TAS2R60: variants seen among roughly 807,000 people sequenced by gnomAD.
TAS2R60 encodes the protein taste 2 receptor member 60.
A neutral mutation model predicts 19.5 loss-of-function variants in TAS2R60; 16 were observed. That is an observed-to-expected ratio of 0.82 (90% confidence interval 0.55 to 1.24). The LOEUF (loss-of-function observed/expected upper bound fraction) is 1.24. TAS2R60 is among the 50% of genes most tolerant of loss of function. The pLI is 0.00. For synonymous variants in TAS2R60, 141 were observed against 143.3 expected, an observed-to-expected ratio of 0.98 and a Z score of 0.11; for missense variants, 362 against 382.7, an observed-to-expected ratio of 0.95 and a Z score of 0.45.
Position 143,444,216 on chromosome 7 carries a change from T to C in TAS2R60, c.764T>C (p.Leu255Pro), listed in dbSNP as rs1463418073. ...CTGGCTCTCCTCTCTTTTGCCATGC[T>C]CTTCATCTCATATTTCCTGTCACTG... ...ALLALLSFAM[L>P]FISYFLSLVF... Residue 255 changes from leucine to proline, a missense_variant, in exon 1 of 1, where the codon CTC becomes CCC. Coordinates refer to ENST00000332690, the MANE Select transcript of TAS2R60 (RefSeq NM_177437.1). 1 of 1,614,082 alleles carries C rather than the reference T, an allele frequency of 6.2e-7. No homozygotes were observed. Among genetic ancestry groups the C allele is most frequent in the East Asian group, 2.2e-5 (1 of 44,890 alleles).
the TAS2R60 span, chr7:143,443,778 G>A: frequency 4.3e-6 from 7 of 1,613,658 alleles, no homozygotes; most frequent in South Asian, 7.7e-5. Flanking sequence ...GCCACCTTAT[G>A]GTCCTCTACC....
At chr7:143,444,180 TA>T in the TAS2R60 span, 7 of 1,614,214 alleles carry the variant, frequency 4.3e-6, no homozygotes, top group Non-Finnish European at 4.2e-6. Flanking sequence ...CAGGCACACA[TA>T]AAGGCTCTGC....
In TAS2R60 at chr7:143,444,000, A is replaced by G. The variant is rs1806411514; in HGVS notation, c.548A>G (p.Asp183Gly). 15 of 1,614,218 alleles carry G rather than the reference A, an allele frequency of 9.3e-6. No individual in the cohort carries two copies. Among genetic ancestry groups the G allele is most frequent in the Non-Finnish European group, 1.2e-5 (14 of 1,180,042 alleles). ...CTACAACCTTGGAATGTCACTGGCG[A>G]TAGCATACGGAGCTACTGTGAGAAA... ...NHLQPWNVTG[D>G]SIRSYCEKFY... Residue 183 changes from aspartate to glycine, a missense_variant, in exon 1 of 1, where the codon GAT (aspartate) becomes GGT (glycine). By Grantham distance (94) the Asp-to-Gly change is moderately conservative. Transcript: ENST00000332690.
Position 143,444,312 on chromosome 7 carries a change from T to C in TAS2R60, c.860T>C (p.Leu287Pro). ...KFWVWESVIY[L>P]CAAVHPIILL... ...TGGGTGTGGGAGTCAGTGATTTATC[T>C]GTGTGCAGCAGTTCACCCCATCATT... Residue 287 changes from leucine to proline, a missense_variant, in exon 1 of 1, where the codon CTG (leucine) becomes CCG (proline). Coordinates refer to ENST00000332690, the MANE Select transcript of TAS2R60 (RefSeq NM_177437.1). 1 of 1,613,950 alleles carries C rather than the reference T, an allele frequency of 6.2e-7. No individual in the cohort carries two copies. Among genetic ancestry groups the C allele is most frequent in the South Asian group, 1.1e-5 (1 of 91,088 alleles).
In TAS2R60 at chr7:143,443,552, G is replaced by A; in HGVS notation, c.100G>A (p.Gly34Ser). Residue 34 changes from glycine (G) to serine (S), a missense_variant, in exon 1 of 1, where the codon GGC (glycine) becomes AGC (serine). Transcript: ENST00000332690. ...LLLLRLVAIA[G>S]NGFITAALGV... The stretch of plus-strand genomic sequence containing the variant: ...CCTTTTACGCCTGGTAGCAATAGCA[G>A]GCAATGGCTTCATCACTGCTGCTCT... 6.2e-7 allele frequency: 1 copy of A among 1,614,176 alleles called. No homozygotes were observed. The highest frequency in any genetic ancestry group is 8.5e-7 in the Non-Finnish European group (1 of 1,180,032).
In TAS2R60 at chr7:143,444,162, C is replaced by A. The variant is rs1251243435; in HGVS notation, c.710C>A (p.Pro237His). ...CTTACAACCTCAGGATTCCGAGAGC[C>A]CAGTGTGCAGGCACACATAAAGGCT... ...ALLTTSGFRE[P>H]SVQAHIKALL... Residue 237 changes from proline to histidine, a missense_variant, in exon 1 of 1, where the codon CCC becomes CAC. Coordinates refer to ENST00000332690, the MANE Select transcript of TAS2R60 (RefSeq NM_177437.1). 4 of 1,614,106 alleles carry A rather than the reference C, an allele frequency of 2.5e-6. No individual in the cohort carries two copies. Among genetic ancestry groups the A allele is most frequent in the Non-Finnish European group, 3.4e-6 (4 of 1,180,040 alleles).
chr7:143,444,097 G>C lies in TAS2R60; in HGVS notation c.645G>C (p.Leu215Phe), dbSNP rs1563135153. 9 of 1,614,136 alleles carry C rather than the reference G, an allele frequency of 5.6e-6. No individual in the cohort carries two copies. Among genetic ancestry groups the C allele is most frequent in the Non-Finnish European group, 7.6e-6 (9 of 1,180,030 alleles). The stretch of plus-strand genomic sequence containing the variant: ...CTGTCTTTTTCATTTGCATGATTTT[G>C]CTCATCACATCTCTGGGAAGACACA... ...PTAVFFICMILLITSLGRHRK... is the reference protein window; with the variant it reads ...PTAVFFICMIFLITSLGRHRK... The change falls in exon 1 of 1, where the codon TTG becomes TTC. Residue 215 changes from leucine to phenylalanine, a missense_variant. Leu to Phe is a conservative substitution (Grantham distance 22, BLOSUM62 0). Transcript: ENST00000332690.
rs767434126 is a variant in TAS2R60, at chr7:143,443,741, G to T, written c.289G>T (p.Ala97Ser). The T allele has an allele frequency of 6.2e-7, 1 of 1,614,036 alleles. No homozygotes were observed. The highest frequency in any genetic ancestry group is 8.5e-7 in the Non-Finnish European group (1 of 1,180,010). ...FPYNPVLQFL[A>S]FQWDFLNAAT... ...ATACAACCCTGTACTGCAGTTTCTA[G>T]CTTTCCAGTGGGACTTCCTGAATGC... The change falls in exon 1 of 1, where the codon GCT (alanine) becomes TCT (serine). Residue 97 changes from alanine to serine, a missense_variant. Transcript: ENST00000332690.
At position 143,443,810 on chromosome 7, in the gene TAS2R60, G is replaced by A. The variant is rs1177662501; in HGVS notation, c.358G>A (p.Val120Met). 6.2e-7 allele frequency: 1 copy of A among 1,613,296 alleles called. No homozygotes were observed. The highest frequency in any genetic ancestry group is 1.1e-5 in the South Asian group (1 of 91,054). ...TACCTGGCTCAGTGTCTTCTATTGT[G>A]TGAAAATTGCTACCTTCACCCACCC... ...SSTWLSVFYC[V>M]KIATFTHPVF... The change falls in exon 1 of 1, where the codon GTG (valine) becomes ATG (methionine). Residue 120 changes from valine (V) to methionine (M), a missense_variant. By Grantham distance (21) the Val-to-Met change is conservative. Transcript: ENST00000332690.
Position 143,444,039 on chromosome 7 carries a change from C to T in TAS2R60, c.587C>T (p.Pro196Leu), listed in dbSNP as rs772926612. The T allele has an allele frequency of 6.2e-6, 10 of 1,614,192 alleles. No homozygotes were observed. In the South Asian group the frequency reaches 8.8e-5, roughly 14 times the overall value. ...TACTGTGAGAAATTCTATCTCTTCC[C>T]TCTAAAAATGATTACTTGGACAATG... ...RSYCEKFYLF[P>L]LKMITWTMPT... The change falls in exon 1 of 1, where the codon CCT becomes CTT. Residue 196 changes from proline to leucine, a missense_variant. Physicochemically the swap from Pro to Leu is moderately conservative, Grantham distance 98. Transcript: ENST00000332690.
At chr7:143,443,502 C>CGA in the TAS2R60 span, 1 of 1,613,730 alleles carries the variant, frequency 6.2e-7, no homozygotes, top group Non-Finnish European at 8.5e-7. Flanking sequence ...GACAAGAAGG[C>CGA]CATCATCTTG....
chr7:143,444,217 C>T lies in TAS2R60; in HGVS notation c.765C>T (p.Leu255=), dbSNP rs766615770. ...ALLALLSFAM[L]FISYFLSLVF... ...TGGCTCTCCTCTCTTTTGCCATGCT[C>T]TTCATCTCATATTTCCTGTCACTGG... Residue 255 remains leucine (L), a synonymous_variant, in exon 1 of 1, where the codon CTC becomes CTT. Coordinates refer to ENST00000332690, the MANE Select transcript of TAS2R60 (RefSeq NM_177437.1). 6.2e-7 allele frequency: 1 copy of T among 1,614,020 alleles called. No individual in the cohort carries two copies. The highest frequency in any genetic ancestry group is 2.2e-5 in the East Asian group (1 of 44,882).
At position 143,443,868 on chromosome 7, in the gene TAS2R60, G is replaced by T. The variant is rs2116710575; in HGVS notation, c.416G>T (p.Gly139Val). The change falls in exon 1 of 1, where the codon GGG (glycine) becomes GTG (valine). Residue 139 changes from glycine to valine, a missense_variant. Coordinates refer to ENST00000332690, the MANE Select transcript of TAS2R60 (RefSeq NM_177437.1). The part of the protein sequence containing the change: ...VFFWLKHKLS[G>V]WLPWMLFSSV... ...TTCTGGCTAAAGCACAAGTTGTCTG[G>T]GTGGCTACCATGGATGCTCTTCAGC... 6.2e-7 allele frequency: 1 copy of T among 1,613,802 alleles called. No homozygotes were observed. The highest frequency in any genetic ancestry group is 1.1e-5 in the South Asian group (1 of 91,082).
At chr7:143,443,944 CAGAATGT>C in the TAS2R60 span, 1 of 1,614,134 alleles carries the variant, frequency 6.2e-7, no homozygotes, top group South Asian at 1.1e-5. Flanking sequence ...TAGGCAACCA[CAGAATGT>C]ATCAGAACTA....
rs773920845 is a variant in TAS2R60, at chr7:143,443,935, A to G, written c.483A>G (p.Ile161Met). ...GCTTCACCACCATTCTATTTTTCAT[A>G]GGCAACCACAGAATGTATCAGAACT... The part of the protein sequence containing the change: ...LSSFTTILFF[I>M]GNHRMYQNYL... Residue 161 changes from isoleucine (I) to methionine (M), a missense_variant, in exon 1 of 1, where the codon ATA (isoleucine) becomes ATG (methionine). By Grantham distance (10) the Ile-to-Met change is conservative. Transcript: ENST00000332690. 6.2e-7 allele frequency: 1 copy of G among 1,614,080 alleles called. No homozygotes were observed. The highest frequency in any genetic ancestry group is 1.7e-5 in the Admixed American group (1 of 60,026).
At chr7:143,444,100 C>CA in the TAS2R60 span, 1 of 1,614,202 alleles carries the variant, frequency 6.2e-7, no homozygotes, top group East Asian at 2.2e-5. Flanking sequence ...TGATTTTGCT[C>CA]ATCACATCTC....
chr7:143,444,166 T>C lies in TAS2R60; in HGVS notation c.714T>C (p.Ser238=), dbSNP rs1226218362. ...CAACCTCAGGATTCCGAGAGCCCAG[T>C]GTGCAGGCACACATAAAGGCTCTGC... ...LLTTSGFREP[S]VQAHIKALLA... Residue 238 remains serine, a synonymous_variant, in exon 1 of 1, where the codon AGT becomes AGC. Transcript: ENST00000332690. 5 of 1,614,100 alleles carry C rather than the reference T, an allele frequency of 3.1e-6. No individual in the cohort carries two copies. The highest frequency in any genetic ancestry group is 4.5e-5 in the East Asian group (2 of 44,902).
In TAS2R60 at chr7:143,443,820, C is replaced by T. The variant is rs1321145319; in HGVS notation, c.368C>T (p.Ala123Val). ...AGTGTCTTCTATTGTGTGAAAATTGCTACCTTCACCCACCCTGTCTTCTTC... is the reference window on the plus strand; with the variant it reads ...AGTGTCTTCTATTGTGTGAAAATTGTTACCTTCACCCACCCTGTCTTCTTC... Reference protein sequence around the residue: ...WLSVFYCVKIATFTHPVFFWL... With the variant: ...WLSVFYCVKIVTFTHPVFFWL... The change falls in exon 1 of 1, where the codon GCT (alanine) becomes GTT (valine). Residue 123 changes from alanine to valine, a missense_variant. Transcript: ENST00000332690. 2 of 1,613,158 alleles carry T rather than the reference C, an allele frequency of 1.2e-6. No individual in the cohort carries two copies. Among genetic ancestry groups the T allele is most frequent in the Non-Finnish European group, 1.7e-6 (2 of 1,179,940 alleles).
In TAS2R60 at chr7:143,443,582, G is replaced by T; in HGVS notation, c.130G>T (p.Val44Leu). ...GNGFITAALG[V>L]EWVLRRMLLP... The stretch of plus-strand genomic sequence containing the variant: ...TGGCTTCATCACTGCTGCTCTGGGC[G>T]TGGAGTGGGTGCTACGGAGAATGTT... Residue 44 changes from valine (V) to leucine (L), a missense_variant, in exon 1 of 1, where the codon GTG (valine) becomes TTG (leucine). By Grantham distance (32) the Val-to-Leu change is conservative. Coordinates refer to ENST00000332690, the MANE Select transcript of TAS2R60 (RefSeq NM_177437.1). The T allele has an allele frequency of 6.2e-7, 1 of 1,614,178 alleles. No individual in the cohort carries two copies. The highest frequency in any genetic ancestry group is 8.5e-7 in the Non-Finnish European group (1 of 1,180,022).
Sources: gnomAD v4.1 joint callset for allele counts on GRCh38, gnomAD v4.1.1 for gene constraint, MANE v1.5 for transcripts, NCBI Gene and HGNC (gene_info 2026-07-23, HGNC 2026-07-21) for gene names.